The following GHR variants were observed in gnomAD, a reference collection of about 807,000 sequenced individuals.
The protein encoded by GHR is growth hormone receptor.
In GHR, 35 loss-of-function variants were observed where a neutral mutation model predicts 67.1. The observed-to-expected ratio is 0.52, with a 90% CI of 0.40 to 0.69. The LOEUF is 0.69. Among genes scored for constraint, GHR ranks in the 30% least tolerant of loss-of-function variants. The pLI is 0.00. For synonymous variants in GHR, 272 were observed against 269.1 expected (o/e 1.01, Z -0.10); for missense variants, 792 against 764.6 (o/e 1.04, Z -0.42).
At chr5:42,508,984 G>T (rs1454450447) in intron 1 of GHR, among the ~76,000 whole-genome samples, 1 of 152,190 alleles carries the variant, frequency 6.6e-6, no homozygotes, top group African/African-American at 2.4e-5. Context: ...GTATCTATGG[G>T]TGGTTATTTG....
At chr5:42,540,668 CT>C (rs1183290805) in intron 1 of GHR, among the ~76,000 whole-genome samples, 2 of 152,200 alleles carry the variant, frequency 1.3e-5, no homozygotes, top group African/African-American at 2.4e-5. Flanking sequence ...GAGTCCGCCC[CT>C]GTCCCCACCC....
chr5:42,635,993 G>A (rs898827247), intron 3 of GHR, among the ~76,000 whole-genome samples: 1 of 151,846 alleles, frequency 6.6e-6, no homozygotes, highest in Non-Finnish European at 1.5e-5. Flanking sequence ...GGCGGATCAC[G>A]AGGTCAGGAG....
intron 1 of GHR, among the ~76,000 whole-genome samples, chr5:42,488,568 G>T (rs895409505): frequency 1.4e-4 from 21 of 151,970 alleles, no homozygotes; most frequent in Non-Finnish European, 2.8e-4. Flanking sequence ...TTGTACCTTG[G>T]CAGGGTTTTG....
At chr5:42,440,482 G>A (rs757963114) in intron 1 of GHR, among the ~76,000 whole-genome samples, 10 of 152,124 alleles carry the variant, frequency 6.6e-5, no homozygotes, top group Non-Finnish European at 1.3e-4. Context: ...GAAGGAGAAA[G>A]AACATGATCC....
In GHR at chr5:42,651,412, C is replaced by T. The variant is rs115268438; in HGVS notation, c.136+22309C>T. Among the ~76,000 whole-genome samples, 797 of 152,146 alleles carry T rather than the reference C, an allele frequency of 5.2e-3. 3 individuals are homozygous for T. Among genetic ancestry groups the T allele is most frequent in the African/African-American group, 0.018 (766 of 41,516 alleles). ...TGAGAATGAAACAGAAGCTTTGGTG[C>T]GTGGTAGCCCACTGTGAGTGGGGTT... On this transcript the variant is annotated intron_variant, in intron 3 of 9. Transcript: ENST00000230882.
At chr5:42,439,960 T>G (rs1467049) in intron 1 of GHR, among the ~76,000 whole-genome samples, 30,676 of 152,148 alleles carry the variant, frequency 0.2, 3,513 homozygotes, top group African/African-American at 0.28. Flanking sequence ...AACTGGACTG[T>G]ATAGTATATG....
chr5:42,676,033 T>C (rs1289204243), intron 3 of GHR, among the ~76,000 whole-genome samples: 2 of 152,236 alleles, frequency 1.3e-5, no homozygotes, highest in Admixed American at 1.3e-4. Flanking sequence ...ACGCCTGTAA[T>C]CCCAGCACTT....
chr5:42,626,198 A>G (rs372015019), intron 2 of GHR, among the ~76,000 whole-genome samples: 6 of 152,284 alleles, frequency 3.9e-5, no homozygotes, highest in Non-Finnish European at 8.8e-5. Context: ...CAATCTACCT[A>G]TCTACCTGGA....
At chr5:42,509,277 A>G (rs1469187002) in intron 1 of GHR, among the ~76,000 whole-genome samples, 1 of 152,096 alleles carries the variant, frequency 6.6e-6, no homozygotes, top group African/African-American at 2.4e-5. Context: ...CCCTAACCTC[A>G]CTGAGCCATT....
At chr5:42,579,080 TAGATA>T (rs1223426193) in intron 2 of GHR, among the ~76,000 whole-genome samples, 2 of 58,414 alleles carry the variant, frequency 3.4e-5, no homozygotes, top group African/African-American at 1.2e-4. Context: ...ACACTATAGA[TAGATA>T]GATAGATAGA....
intron 1 of GHR, among the ~76,000 whole-genome samples, chr5:42,550,814 G>T (rs1468349581): frequency 6.6e-6 from 1 of 152,146 alleles, no homozygotes. Context: ...AGCTGTTCAG[G>T]TGGAGCCCAG....
chr5:42,605,090 C>CTTTTT lies in GHR; in HGVS notation c.71-23928_71-23924dup, dbSNP rs57499086. On this transcript the variant is annotated intron_variant, in intron 2 of 9. Transcript: ENST00000230882. ...ACTTGACCAGAGATTTGTGGTGCCTCTTTTTTTTTTTTTTTTTTTTTTTTG... is the reference window on the plus strand; with the variant it reads ...ACTTGACCAGAGATTTGTGGTGCCTCTTTTTTTTTTTTTTTTTTTTTTTTTTTTTG... Among the ~76,000 whole-genome samples the CTTTTT allele has an allele frequency of 4.1e-4, 37 of 90,070 alleles. 1 individual carries two copies. Among genetic ancestry groups the CTTTTT allele is most frequent in the African/African-American group, 1.1e-3 (22 of 20,542 alleles). The allele number at this position is 90,070 out of a possible 152,430, so 59.1% of individuals were successfully genotyped here. A position where few individuals can be genotyped will look rare whatever the true frequency, so the allele number is the denominator to read the frequency against.
intron 1 of GHR, 51 bp from the exon 2 acceptor site, chr5:42,565,813 A>G (rs552627632): frequency 6.2e-7 from 1 of 1,613,648 alleles, no homozygotes; most frequent in Admixed American, 1.7e-5. Context: ...TTTCATGATA[A>G]TGGTCTGCTT....
At chr5:42,486,745 G>A (rs952520615) in intron 1 of GHR, among the ~76,000 whole-genome samples, 18 of 151,942 alleles carry the variant, frequency 1.2e-4, no homozygotes, top group Non-Finnish European at 2.2e-4. Context: ...TACTCGGGAG[G>A]CTGAGGCAGG....
intron 1 of GHR, among the ~76,000 whole-genome samples, chr5:42,434,426 A>T (rs1389147231): frequency 2.0e-5 from 3 of 152,234 alleles, no homozygotes; most frequent in Non-Finnish European, 4.4e-5. Flanking sequence ...ATAAGAAATT[A>T]TTGTGCCTCC....
rs1182799025 is a variant in GHR, at chr5:42,474,257, C to CAGACAGACAGAAAGAAAGAA, written c.-12+50305_-12+50306insCAGACAGAAAGAAAGAAAGA. ...AGAAAGAAAGAGAGAGAAAGACAGA[C>CAGACAGACAGAAAGAAAGAA]AGAAAGAAAGAAAGAAAGAAAGAAA... is the stretch of plus-strand genomic sequence containing the variant. On this transcript the variant is annotated intron_variant, in intron 1 of 9. Coordinates refer to ENST00000230882, the MANE Select transcript of GHR (RefSeq NM_000163.5). Among the ~76,000 whole-genome samples the CAGACAGACAGAAAGAAAGAA allele has an allele frequency of 7.4e-3, 652 of 88,038 alleles. 14 individuals carry two copies. The highest frequency in any genetic ancestry group is 0.026 in the African/African-American group (611 of 23,452). 57.8% of individuals were successfully genotyped at this position (88,038 alleles called of 152,430 possible).
intron 1 of GHR, among the ~76,000 whole-genome samples, chr5:42,489,989 G>A (rs1462605844): frequency 6.6e-6 from 1 of 151,904 alleles, no homozygotes; most frequent in Non-Finnish European, 1.5e-5. Context: ...AGAAAATATA[G>A]CAAGAACATT....
intron 3 of GHR, among the ~76,000 whole-genome samples, chr5:42,667,695 A>T (rs1006762869): frequency 6.6e-6 from 1 of 152,216 alleles, no homozygotes; most frequent in African/African-American, 2.4e-5. Context: ...TCAAGTTTTA[A>T]TGCGCATACA....
intron 3 of GHR, among the ~76,000 whole-genome samples, chr5:42,668,817 C>T (rs937938901): frequency 1.3e-5 from 2 of 151,954 alleles, no homozygotes; most frequent in African/African-American, 4.8e-5. Context: ...TCCCAATAAG[C>T]CTGTTGTAAA....
Sources: allele counts gnomAD v4.1 joint callset (sites outside exome capture counted in the v4.1 genomes callset), GRCh38; gene constraint gnomAD v4.1.1; transcripts MANE v1.5; gene names NCBI Gene and HGNC (gene_info 2026-07-23, HGNC 2026-07-21).